The following PALD1 variants were observed in gnomAD, a reference collection of about 807,000 sequenced individuals.
The protein encoded by PALD1 is phosphatase domain containing paladin 1, also known as paladin.
In PALD1, 57 loss-of-function variants were observed where a neutral mutation model predicts 96.0. The ratio of observed to expected loss-of-function variants is 0.59; its 90% CI spans 0.48 to 0.74. The LOEUF (loss-of-function observed/expected upper bound fraction) is 0.74. Ranked by LOEUF, PALD1 falls within the 30% of genes least tolerant of loss-of-function variation. The pLI is 0.00. For missense variants in PALD1, 1,063 were observed against 1,143.7 expected, an observed-to-expected ratio of 0.93 and a Z score of 1.02; for synonymous variants, 464 against 473.6, an observed-to-expected ratio of 0.98 and a Z score of 0.26.
intron 1 of PALD1, among the ~76,000 whole-genome samples, chr10:70,514,976 CAG>C (rs1846590428): frequency 6.6e-6 from 1 of 152,158 alleles, no homozygotes; most frequent in Non-Finnish European, 1.5e-5. Context: ...ATGAGCAAAA[CAG>C]AAGAAAATAA....
chr10:70,562,901 G>A (rs1847770980), intron 18 of PALD1, among the ~76,000 whole-genome samples: 1 of 152,026 alleles, frequency 6.6e-6, no homozygotes, highest in African/African-American at 2.4e-5. Context: ...CCAAATCATG[G>A]AGAACCTAGA....
At chr10:70,519,980 G>A (rs1340321982) in intron 1 of PALD1, among the ~76,000 whole-genome samples, 1 of 152,144 alleles carries the variant, frequency 6.6e-6, no homozygotes, top group Non-Finnish European at 1.5e-5. Flanking sequence ...CTTTTTGGGG[G>A]ATACAGGGCA....
the PALD1 span, among the ~76,000 whole-genome samples, chr10:70,468,628 C>A: frequency 2.0e-5 from 3 of 152,138 alleles, no homozygotes; most frequent in South Asian, 2.1e-4. Context: ...ACAAGGAGCC[C>A]CTGCCCAGGA....
chr10:70,465,196 G>C, the PALD1 span, among the ~76,000 whole-genome samples: 1 of 151,380 alleles, frequency 6.6e-6, no homozygotes, highest in South Asian at 2.1e-4. Context: ...GGATGGTCTC[G>C]ATCTCCTGAC....
chr10:70,513,001 C>T (rs1356656644), intron 1 of PALD1, among the ~76,000 whole-genome samples: 1 of 152,208 alleles, frequency 6.6e-6, no homozygotes, highest in Non-Finnish European at 1.5e-5. Flanking sequence ...CAGATTGCTC[C>T]TGAGACCGAC....
In PALD1 at chr10:70,538,901, GAT is replaced by G. The variant is rs751545221; in HGVS notation, c.1463_1464del (p.Asp488AlafsTer68). ...LIARGSLRED[D>X]LVSPDALSTV... Reference sequence around the variant, plus strand: ...GGTGCTCTCCCCACAGCGGGAGGACGATCTGGTCTCCCCGGACGCGCTCAGCA... The same window carrying G: ...GGTGCTCTCCCCACAGCGGGAGGACGCTGGTCTCCCCGGACGCGCTCAGCA... On this transcript the variant is annotated frameshift_variant, in exon 13 of 20. Coordinates refer to ENST00000263563, the MANE Select transcript of PALD1 (RefSeq NM_014431.3). LOFTEE classifies it high-confidence loss of function. The G allele has an allele frequency of 5.0e-5, 80 of 1,613,072 alleles. No individual in the cohort carries two copies. Among genetic ancestry groups the G allele is most frequent in the Non-Finnish European group, 6.4e-5 (76 of 1,179,684 alleles).
At chr10:70,529,205 TC>T in intron 2 of PALD1, 23 bp from the exon 3 acceptor site, 1 of 464,532 alleles carries the variant, frequency 2.2e-6, no homozygotes, top group Non-Finnish European at 3.8e-6. Flanking sequence ...CAGTTTCCAT[TC>T]TGCCCCCCCC....
the PALD1 span, among the ~76,000 whole-genome samples, chr10:70,458,991 C>G: frequency 6.6e-6 from 1 of 152,354 alleles, no homozygotes; most frequent in Non-Finnish European, 1.5e-5. Context: ...CACTGCTAAA[C>G]CAAGGGATTA....
intron 19 of PALD1, among the ~76,000 whole-genome samples, chr10:70,565,589 G>T (rs1469647972): frequency 1.3e-5 from 2 of 152,202 alleles, no homozygotes; most frequent in African/African-American, 4.8e-5. Context: ...TGGACTCAGG[G>T]CTATGAAGGA....
chr10:70,473,756 G>A, the PALD1 span, among the ~76,000 whole-genome samples: 2 of 151,696 alleles, frequency 1.3e-5, no homozygotes, highest in African/African-American at 4.8e-5. Context: ...AGCGATGCTC[G>A]TGCCTCAGCC....
chr10:70,461,384 T>C, the PALD1 span, among the ~76,000 whole-genome samples: 1 of 152,226 alleles, frequency 6.6e-6, no homozygotes, highest in African/African-American at 2.4e-5. Context: ...TTTCTGGGGC[T>C]ATGGGTTAAT....
chr10:70,508,784 C>CATGTGT, intron 1 of PALD1, among the ~76,000 whole-genome samples: 1 of 100,076 alleles, frequency 1.0e-5, no homozygotes, highest in South Asian at 4.1e-4. Flanking sequence ...CTCTGTATGG[C>CATGTGT]GTGTGTGTGT....
intron 18 of PALD1, among the ~76,000 whole-genome samples, chr10:70,558,922 A>G (rs1847673642): frequency 6.6e-6 from 1 of 152,066 alleles, no homozygotes; most frequent in Non-Finnish European, 1.5e-5. Flanking sequence ...TTTGTGCAGT[A>G]CTGATAATGC....
intron 18 of PALD1, among the ~76,000 whole-genome samples, chr10:70,559,347 A>C (rs10733874): frequency 6.6e-6 from 1 of 151,650 alleles, no homozygotes; most frequent in Non-Finnish European, 1.5e-5. Flanking sequence ...AGGGCAGGAG[A>C]GGAGGGTAGA....
rs1409997798 is a variant in PALD1 at position 70,541,335 on chromosome 10, G to A, written c.2049+93G>A. The stretch of plus-strand genomic sequence containing the variant: ...ACACTGGCTCCACAGGAGGGTGTGA[G>A]GGGCAGAGACAGCCGGGTGTGGTCC... On this transcript the variant is annotated intron_variant, in intron 16 of 19. Coordinates refer to ENST00000263563, the MANE Select transcript of PALD1 (RefSeq NM_014431.3). The A allele has an allele frequency of 5.9e-6, 9 of 1,531,182 alleles. No homozygotes were observed. The East Asian group carries it at 1.6e-4, about 27-fold the overall frequency. The allele number at this position is 1,531,182 out of a possible 1,614,324, so 94.8% of individuals were successfully genotyped here. A position where few individuals can be genotyped will look rare whatever the true frequency, so the allele number is the denominator to read the frequency against.
Position 70,539,769 on chromosome 10 carries a change from G to T in PALD1, c.1908+7G>T, listed in dbSNP as rs1847202707. 7 of 1,606,434 alleles carry T rather than the reference G, an allele frequency of 4.4e-6. No individual in the cohort carries two copies. Among genetic ancestry groups the T allele is most frequent in the African/African-American group, 1.3e-5 (1 of 74,550 alleles). ...CTGTGCCCCCCGAGAGGAGGTGAGG[G>T]TGCTGCTCAGGCTGAGGCCTCTGGG... is the stretch of plus-strand genomic sequence containing the variant. On this transcript the variant is annotated splice_region_variant and intron_variant, in intron 15 of 19. Transcript: ENST00000263563. The surrounding 1 kb of genome is among the most constrained non-coding windows in gnomAD (Gnocchi z 4.5).
chr10:70,541,795 TGTGC>T (rs1276646896), intron 17 of PALD1, among the ~76,000 whole-genome samples: 1 of 152,300 alleles, frequency 6.6e-6, no homozygotes, highest in East Asian at 1.9e-4. Flanking sequence ...TGGGCTGCTG[TGTGC>T]CTTGGGGAGG....
chr10:70,529,279 A>C lies in PALD1; in HGVS notation c.236A>C (p.His79Pro). The change falls in exon 3 of 20, where the codon CAT (histidine) becomes CCT (proline). Residue 79 changes from histidine (H) to proline (P), a missense_variant. By Grantham distance (77) the His-to-Pro change is moderately conservative. Transcript: ENST00000263563. ...ATCCATGATGAGCTGCTCAAGGCTC[A>C]TTACACGTTGGGCCGGCTCTCGGAC... ...FQIHDELLKA[H>P]YTLGRLSDNT... The C allele has an allele frequency of 6.5e-7, 1 of 1,541,440 alleles. No individual in the cohort carries two copies. Among genetic ancestry groups the C allele is most frequent in the Non-Finnish European group, 8.8e-7 (1 of 1,139,708 alleles).
intron 1 of PALD1, among the ~76,000 whole-genome samples, chr10:70,506,334 C>T (rs146160955): frequency 1.3e-5 from 2 of 152,290 alleles, no homozygotes; most frequent in East Asian, 1.9e-4. Flanking sequence ...GCTTTTGAGC[C>T]ACCAAATGTC....
Sources: allele counts gnomAD v4.1 joint callset (sites outside exome capture counted in the v4.1 genomes callset), GRCh38; gene constraint gnomAD v4.1.1; non-coding constraint Gnocchi (gnomAD v3.1); transcripts MANE v1.5; gene names NCBI Gene and HGNC (gene_info 2026-07-23, HGNC 2026-07-21).